The following MYT1L variants were observed in gnomAD, a reference collection of about 807,000 sequenced individuals.
The protein encoded by MYT1L is myelin transcription factor 1 like, also known as myelin transcription factor 1-like protein.
MYT1L carries 12 observed loss-of-function variants against 126.7 expected under a neutral mutation model. The ratio of observed to expected loss-of-function variants is 0.09; its 90% CI spans 0.06 to 0.15. The LOEUF (loss-of-function observed/expected upper bound fraction) is 0.15, where lower values mean the gene tolerates loss of function less well. Among genes scored for constraint, MYT1L ranks in the 10% least tolerant of loss-of-function variants. MYT1L has a pLI of 1.00. For missense variants in MYT1L, 979 were observed against 1,585.2 expected, an observed-to-expected ratio of 0.62 and a Z score of 6.49; for synonymous variants, 541 against 604.2, an observed-to-expected ratio of 0.90 and a Z score of 1.53.
At chr2:1,823,292 C>T (rs1229463457) in intron 21 of MYT1L, among the ~76,000 whole-genome samples, 1 of 152,162 alleles carries the variant, frequency 6.6e-6, no homozygotes, top group Non-Finnish European at 1.5e-5. Flanking sequence ...CTGCTGTTGT[C>T]AGAGCTGTGG....
chr2:1,935,049 C>T (rs548738209), intron 9 of MYT1L, among the ~76,000 whole-genome samples: 12 of 152,280 alleles, frequency 7.9e-5, no homozygotes, highest in Admixed American at 5.9e-4. Context: ...TGATCTGCTT[C>T]GGCAGAGCTT....
At chr2:1,859,110 G>C (rs1336454464) in intron 18 of MYT1L, among the ~76,000 whole-genome samples, 1 of 152,100 alleles carries the variant, frequency 6.6e-6, no homozygotes, top group Non-Finnish European at 1.5e-5. Context: ...ATTCTTAGAG[G>C]GTCTCCCATT....
At chr2:1,967,744 A>C (rs895233993) in intron 8 of MYT1L, among the ~76,000 whole-genome samples, 3 of 151,902 alleles carry the variant, frequency 2.0e-5, no homozygotes, top group Non-Finnish European at 2.9e-5. Context: ...GTGGCCAAAG[A>C]GGGGGTGTTT....
intron 3 of MYT1L, among the ~76,000 whole-genome samples, chr2:2,085,913 T>C (rs1295289976): frequency 6.6e-6 from 1 of 152,332 alleles, no homozygotes; most frequent in East Asian, 1.9e-4. Flanking sequence ...CGTTTGGGTG[T>C]TCCCTTTTCT....
chr2:1,904,265 C>T (rs1380260128), intron 13 of MYT1L, among the ~76,000 whole-genome samples: 5 of 152,258 alleles, frequency 3.3e-5, no homozygotes, highest in African/African-American at 9.6e-5. Context: ...TGCGTTCTGT[C>T]CTCCCCCTCG....
chr2:1,866,064 C>T (rs577484753), intron 18 of MYT1L, among the ~76,000 whole-genome samples: 2 of 152,158 alleles, frequency 1.3e-5, no homozygotes, highest in Non-Finnish European at 2.9e-5. Context: ...CAGGGGCGGA[C>T]TGAAAGGTGC....
chr2:2,125,516 G>A (rs1043473036), intron 3 of MYT1L, among the ~76,000 whole-genome samples: 1 of 152,196 alleles, frequency 6.6e-6, no homozygotes, highest in Admixed American at 6.5e-5. Flanking sequence ...GTGGTTAGGT[G>A]TTAGGCACAT....
At chr2:2,008,730 G>A (rs114922494) in intron 4 of MYT1L, among the ~76,000 whole-genome samples, 5,704 of 152,082 alleles carry the variant, frequency 0.038, 147 homozygotes, top group Non-Finnish European at 0.05. Flanking sequence ...AAGCTTTTGG[G>A]TAACATTTTA....
intron 5 of MYT1L, among the ~76,000 whole-genome samples, chr2:1,991,015 C>T (rs1475005658): frequency 6.6e-6 from 1 of 152,208 alleles, no homozygotes; most frequent in African/African-American, 2.4e-5. Context: ...CTCTCCCTTG[C>T]AACCTGCACT....
chr2:2,284,806 C>A (rs994692630), intron 1 of MYT1L, among the ~76,000 whole-genome samples: 2 of 151,950 alleles, frequency 1.3e-5, no homozygotes, highest in African/African-American at 2.4e-5. Context: ...TGGGTTCAAG[C>A]GATTCTCCTG....
At chr2:2,108,682 C>T (rs763787922) in intron 3 of MYT1L, among the ~76,000 whole-genome samples, 16 of 152,250 alleles carry the variant, frequency 1.1e-4, no homozygotes, top group Non-Finnish European at 1.9e-4. Context: ...CTGCGAAGAT[C>T]ACAGTATACA....
intron 9 of MYT1L, among the ~76,000 whole-genome samples, chr2:1,939,658 A>AC (rs1307107028): frequency 4.3e-4 from 66 of 152,350 alleles, no homozygotes; most frequent in Non-Finnish European, 8.5e-4. Context: ...CCTCCTTTTA[A>AC]TACATTAAAC....
At position 2,190,466 on chromosome 2, in the gene MYT1L, T is replaced by C. The variant is rs371181918; in HGVS notation, c.-420-17478A>G. The stretch of plus-strand genomic sequence containing the variant: ...ACTGTCTGTATGCCTATTTTTTTTT[T>C]CCCAGCCTTTAGACTTCCTGGGGAT... On this transcript the variant is annotated intron_variant, in intron 2 of 24. Coordinates refer to ENST00000647738, the MANE Select transcript of MYT1L (RefSeq NM_001303052.2). 9.5e-3 allele frequency among the ~76,000 whole-genome samples: 1,292 copies of C among 135,542 alleles called. 8 individuals carry two copies. The highest frequency in any genetic ancestry group is 0.014 in the Non-Finnish European group (870 of 63,520). The allele number at this position is 135,542 out of a possible 152,430, so 88.9% of individuals were successfully genotyped here. A position where few individuals can be genotyped will look rare whatever the true frequency, so the allele number is the denominator to read the frequency against.
intron 13 of MYT1L, among the ~76,000 whole-genome samples, chr2:1,904,963 T>G (rs961530423): frequency 1.4e-5 from 2 of 146,562 alleles, no homozygotes; most frequent in Non-Finnish European, 3.0e-5. Flanking sequence ...CCAGCTAATT[T>G]TTTTTTGTAT....
Position 1,809,066 on chromosome 2 carries a change from G to A in MYT1L, c.3172+10C>T, listed in dbSNP as rs781522725. 1.2e-6 allele frequency: 2 copies of A among 1,613,616 alleles called. No homozygotes were observed. The highest frequency in any genetic ancestry group is 2.2e-5 in the South Asian group (2 of 91,084). On this transcript the variant is annotated intron_variant, in intron 22 of 24. Coordinates refer to ENST00000647738, the MANE Select transcript of MYT1L (RefSeq NM_001303052.2). ...ACCATGGGTGCCACGAGGGCTGGAGGGGTGCTCACCGTTGCTGGCCCGCTG... is the reference window on the plus strand; with the variant it reads ...ACCATGGGTGCCACGAGGGCTGGAGAGGTGCTCACCGTTGCTGGCCCGCTG...
At chr2:1,815,241 C>A (rs7569114) in intron 21 of MYT1L, among the ~76,000 whole-genome samples, 1 of 152,124 alleles carries the variant, frequency 6.6e-6, no homozygotes, top group Non-Finnish European at 1.5e-5. Context: ...GGCCCCTCTG[C>A]GGCTGGGCTT....
intron 8 of MYT1L, among the ~76,000 whole-genome samples, chr2:1,957,867 A>G (rs1393856459): frequency 3.9e-5 from 6 of 151,994 alleles, no homozygotes; most frequent in Non-Finnish European, 7.4e-5. Flanking sequence ...TCAGTGTGTT[A>G]TTTATTTTTT....
rs143949377 is a variant in MYT1L, at chr2:2,145,366, C to T, written c.-304+27506G>A. The stretch of plus-strand genomic sequence containing the variant: ...AGCGCTTCCTGAACACGCCGTCCAG[C>T]GCTCTAACCTGTGTCTGAGACAGAG... On this transcript the variant is annotated intron_variant, in intron 3 of 24. Coordinates refer to ENST00000647738, the MANE Select transcript of MYT1L (RefSeq NM_001303052.2). Among the ~76,000 whole-genome samples, 652 of 152,296 alleles carry T rather than the reference C, an allele frequency of 4.3e-3. 15 individuals carry two copies. In the East Asian group the frequency reaches 0.056, roughly 13 times the overall value.
Position 1,943,257 on chromosome 2 carries a change from G to A in MYT1L, c.230C>T (p.Pro77Leu), listed in dbSNP as rs1158376879. The change falls in exon 9 of 25, where the codon CCA becomes CTA. Residue 77 changes from proline (P) to leucine (L), a missense_variant. Coordinates refer to ENST00000647738, the MANE Select transcript of MYT1L (RefSeq NM_001303052.2). This position sits in a 1 kb window ranked among gnomAD's most constrained non-coding sequence, Gnocchi z 4.4. ...GGAGCTGTCTGCTTTCACGGCAAAT[G>A]GCTTTCGTTTAGGAGCAGGTTCCTG... is the stretch of plus-strand genomic sequence containing the variant. ...QPQEPAPKRK[P>L]FAVKADSSSV... The A allele has an allele frequency of 6.4e-7, 1 of 1,558,260 alleles. No individual in the cohort carries two copies. Among genetic ancestry groups the A allele is most frequent in the African/African-American group, 1.4e-5 (1 of 73,358 alleles).
Sources: gnomAD v4.1 joint callset for allele counts (sites outside exome capture counted in the v4.1 genomes callset) on GRCh38, gnomAD v4.1.1 for gene constraint, Gnocchi (gnomAD v3.1) non-coding constraint, MANE v1.5 for transcripts, NCBI Gene and HGNC (gene_info 2026-07-23, HGNC 2026-07-21) for gene names.